The following ABCC1 variants were observed in gnomAD, a reference collection of about 807,000 sequenced individuals.
ABCC1 encodes ATP binding cassette subfamily C member 1 (ABCC1 blood group).
In ABCC1, 83 loss-of-function variants were observed where a neutral mutation model predicts 172.9. The observed-to-expected ratio is 0.48, with a 90% CI of 0.40 to 0.58. The LOEUF (loss-of-function observed/expected upper bound fraction) is 0.58. Among genes scored for constraint, ABCC1 ranks in the 20% least tolerant of loss-of-function variants. The probability of loss-of-function intolerance (pLI) is 0.00; values close to 1 mark genes in which losing one functional copy is unlikely to be tolerated. For synonymous variants in ABCC1, 937 were observed against 825.2 expected (o/e 1.14, Z -2.32); for missense variants, 1,817 against 2,002.7 (o/e 0.91, Z 1.77).
rs568379490 is a variant in ABCC1, at chr16:16,035,647, T to C, written c.678-825T>C. Among the ~76,000 whole-genome samples the C allele has an allele frequency of 1.9e-3, 283 of 151,812 alleles. 8 individuals carry two copies. In the South Asian group the frequency reaches 0.057, roughly 30 times the overall value. ...CTGGGACTACAGGTGCGAGCCATCA[T>C]GACTGGCTAATTTTTTTATTTTTAC... On this transcript the variant is annotated intron_variant, in intron 6 of 30. Coordinates refer to ENST00000399410, the MANE Select transcript of ABCC1 (RefSeq NM_004996.4).
intron 24 of ABCC1, 60 bp downstream of exon 24, chr16:16,122,234 T>C: frequency 1.3e-6 from 2 of 1,578,840 alleles, no homozygotes; most frequent in African/African-American, 1.3e-5. Flanking sequence ...CTTGTCTCTT[T>C]GCCTCGATCT....
intron 1 of ABCC1, among the ~76,000 whole-genome samples, chr16:15,999,295 G>A (rs1268851060): frequency 6.6e-6 from 1 of 152,046 alleles, no homozygotes; most frequent in Non-Finnish European, 1.5e-5. Context: ...GTGAGCCACT[G>A]TGCCCAGCCA....
intron 1 of ABCC1, among the ~76,000 whole-genome samples, chr16:15,979,934 T>G (rs1037882424): frequency 1.3e-5 from 2 of 152,264 alleles, no homozygotes; most frequent in South Asian, 4.1e-4. Context: ...ACTTCCTGAT[T>G]ACTTGCCACA....
chr16:15,973,730 C>T (rs968090722), intron 1 of ABCC1, among the ~76,000 whole-genome samples: 3 of 151,906 alleles, frequency 2.0e-5, no homozygotes, highest in Non-Finnish European at 4.4e-5. Flanking sequence ...AATCCCAGCA[C>T]TTTGGGAGGC....
At chr16:16,013,189 T>C (rs12919829) in intron 3 of ABCC1, among the ~76,000 whole-genome samples, 35,318 of 151,920 alleles carry the variant, frequency 0.23, 5,219 homozygotes, top group African/African-American at 0.41. Flanking sequence ...GCTGTGAATG[T>C]GTCAGAAACA....
intron 1 of ABCC1, among the ~76,000 whole-genome samples, chr16:15,967,257 CA>C (rs2046263607): frequency 6.6e-6 from 1 of 151,924 alleles, no homozygotes; most frequent in Non-Finnish European, 1.5e-5. Context: ...GTGAAGAGGC[CA>C]AGTTCAGGAG....
At chr16:16,011,747 G>A (rs751881172) in intron 3 of ABCC1, among the ~76,000 whole-genome samples, 4 of 151,664 alleles carry the variant, frequency 2.6e-5, no homozygotes, top group South Asian at 4.2e-4. Flanking sequence ...TTGAGTTGCC[G>A]CAACCTCTGC....
At chr16:16,097,740 C>A (rs2051544763) in intron 19 of ABCC1, among the ~76,000 whole-genome samples, 2 of 152,210 alleles carry the variant, frequency 1.3e-5, no homozygotes, top group African/African-American at 4.8e-5. Flanking sequence ...ACTTGTCAGT[C>A]TGCCCATCTG....
intron 23 of ABCC1, among the ~76,000 whole-genome samples, chr16:16,120,326 C>T (rs977923013): frequency 2.0e-5 from 3 of 152,188 alleles, no homozygotes. Flanking sequence ...GTTCCTTTTG[C>T]GTAGATGAGA....
intron 17 of ABCC1, among the ~76,000 whole-genome samples, chr16:16,085,929 C>T (rs545628030): frequency 6.6e-6 from 1 of 152,236 alleles, no homozygotes; most frequent in East Asian, 1.9e-4. Context: ...TGGGAGCTGG[C>T]GCTGCTGCTG....
At chr16:15,958,904 A>C (rs2046066299) in intron 1 of ABCC1, among the ~76,000 whole-genome samples, 1 of 151,976 alleles carries the variant, frequency 6.6e-6, no homozygotes. Context: ...TGTTCTGTGC[A>C]GCGTAGTCTT....
At chr16:16,054,530 A>G (rs756182167) in intron 11 of ABCC1, among the ~76,000 whole-genome samples, 80 of 151,890 alleles carry the variant, frequency 5.3e-4, no homozygotes, top group Non-Finnish European at 1.0e-3. Context: ...ACTAGGCTGC[A>G]CTGACGATAC....
chr16:16,094,836 T>G (rs1358259444), intron 19 of ABCC1, among the ~76,000 whole-genome samples: 13 of 140,816 alleles, frequency 9.2e-5, no homozygotes, highest in Non-Finnish European at 1.8e-4. Flanking sequence ...TTTTTTTTTT[T>G]GATACAGAGT....
At chr16:16,118,684 A>G (rs1404023177) in intron 23 of ABCC1, among the ~76,000 whole-genome samples, 1 of 151,994 alleles carries the variant, frequency 6.6e-6, no homozygotes, top group Non-Finnish European at 1.5e-5. Context: ...GATTTTAGCA[A>G]AGGACCAAGT....
chr16:16,045,223 A>G (rs1050356285), intron 8 of ABCC1, among the ~76,000 whole-genome samples: 1 of 151,760 alleles, frequency 6.6e-6, no homozygotes, highest in Non-Finnish European at 1.5e-5. Context: ...CCAGCATGGT[A>G]AAACCATCTG....
intron 5 of ABCC1, among the ~76,000 whole-genome samples, chr16:16,031,901 T>TGGGGCTCACATCCTC (rs6145768): frequency 0.4 from 61,067 of 151,888 alleles, 13,898 homozygotes; most frequent in Non-Finnish European, 0.52. Flanking sequence ...CCTGACTCTT[T>TGGGGCTCACATCCTC]GGGGCTCACA....
At chr16:16,058,180 G>A (rs2049751687) in intron 12 of ABCC1, among the ~76,000 whole-genome samples, 2 of 152,134 alleles carry the variant, frequency 1.3e-5, no homozygotes, top group East Asian at 3.8e-4. Context: ...AAAGTTGGCC[G>A]CAAATCAGGA....
At chr16:15,978,151 C>G (rs1412611997) in intron 1 of ABCC1, among the ~76,000 whole-genome samples, 1 of 152,098 alleles carries the variant, frequency 6.6e-6, no homozygotes, top group Non-Finnish European at 1.5e-5. Flanking sequence ...GGGAGGATTG[C>G]TTGAGGCCAG....
chr16:16,021,080 G>C (rs1309660917), intron 5 of ABCC1, among the ~76,000 whole-genome samples: 1 of 152,186 alleles, frequency 6.6e-6, no homozygotes, highest in Non-Finnish European at 1.5e-5. Flanking sequence ...GACACAGCCA[G>C]GCACACGGTG....
Sources: allele counts gnomAD v4.1 joint callset (sites outside exome capture counted in the v4.1 genomes callset), GRCh38; gene constraint gnomAD v4.1.1; transcripts MANE v1.5; gene names NCBI Gene and HGNC (gene_info 2026-07-23, HGNC 2026-07-21).